Variants in SOX5 observed in about 807,000 individuals in gnomAD.
SOX5 encodes the protein transcription factor SOX-5.
SOX5 carries 9 observed loss-of-function variants against 92.0 expected under a neutral mutation model. That is an observed-to-expected ratio of 0.10 (90% CI 0.06 to 0.17). The LOEUF (loss-of-function observed/expected upper bound fraction) is 0.17. Ranked by LOEUF, SOX5 falls within the 10% of genes least tolerant of loss-of-function variation. The pLI is 1.00. For synonymous variants in SOX5, 344 were observed against 336.3 expected (o/e 1.02, Z -0.25); for missense variants, 642 against 944.5 (o/e 0.68, Z 4.20).
chr12:23,563,448 G>C (rs564288912), intron 10 of SOX5, 45 bp from the exon 11 acceptor site: 1 of 1,574,864 alleles, frequency 6.3e-7, no homozygotes, highest in South Asian at 1.1e-5. Flanking sequence ...ATAAAAGCAT[G>C]TCTAGGCTAG....
chr12:23,802,589 G>A (rs1398100894), intron 3 of SOX5, among the ~76,000 whole-genome samples: 1 of 151,878 alleles, frequency 6.6e-6, no homozygotes, highest in African/African-American at 2.4e-5. Context: ...GCTTGTCTGT[G>A]TGATTATCCT....
chr12:24,062,872 C>A (rs1940001084), intron 4 of SOX5, among the ~76,000 whole-genome samples: 1 of 152,178 alleles, frequency 6.6e-6, no homozygotes, highest in African/African-American at 2.4e-5. Context: ...GTGGTTAACA[C>A]TGCTACTATT....
intron 1 of SOX5, among the ~76,000 whole-genome samples, chr12:23,941,533 G>A (rs1236351117): frequency 6.6e-6 from 1 of 151,426 alleles, no homozygotes; most frequent in Non-Finnish European, 1.5e-5. Context: ...ATTTAGGACT[G>A]GAGGAAAACA....
chr12:24,536,399 C>T (rs1441791437), intron 1 of SOX5, among the ~76,000 whole-genome samples: 7 of 152,164 alleles, frequency 4.6e-5, no homozygotes, highest in Non-Finnish European at 1.0e-4. Flanking sequence ...TAAGACCCTT[C>T]CCTTCAAAAG....
intron 6 of SOX5, among the ~76,000 whole-genome samples, chr12:23,687,398 T>C (rs908482331): frequency 1.3e-5 from 2 of 152,016 alleles, no homozygotes; most frequent in Non-Finnish European, 2.9e-5. Flanking sequence ...CGCACGATAT[T>C]ATACTAAATA....
intron 10 of SOX5, among the ~76,000 whole-genome samples, chr12:23,575,410 T>C (rs1948959276): frequency 6.6e-6 from 1 of 152,258 alleles, no homozygotes; most frequent in African/African-American, 2.4e-5. Context: ...GTCCTCTTTT[T>C]ATATTGTATG....
intron 1 of SOX5, among the ~76,000 whole-genome samples, chr12:23,898,219 A>G (rs1020448572): frequency 1.3e-5 from 2 of 152,166 alleles, no homozygotes; most frequent in African/African-American, 4.8e-5. Flanking sequence ...GAAACTTTTA[A>G]TTATTTCTTA....
intron 3 of SOX5, among the ~76,000 whole-genome samples, chr12:24,232,857 C>G (rs1276078275): frequency 6.6e-6 from 1 of 152,110 alleles, no homozygotes; most frequent in East Asian, 1.9e-4. Flanking sequence ...ATTTCCGACA[C>G]TTAAAAAAAA....
intron 3 of SOX5, among the ~76,000 whole-genome samples, chr12:23,805,428 G>C (rs1205621504): frequency 6.6e-6 from 1 of 151,710 alleles, no homozygotes; most frequent in Non-Finnish European, 1.5e-5. Context: ...AAAGCGCAAT[G>C]CCTGAAAAAA....
At chr12:23,946,590 A>T (rs1379868958) in intron 1 of SOX5, among the ~76,000 whole-genome samples, 2 of 152,050 alleles carry the variant, frequency 1.3e-5, no homozygotes, top group Non-Finnish European at 2.9e-5. Flanking sequence ...ACAATTTTTC[A>T]TTATCTACTT....
chr12:23,952,369 A>G (rs1400432919), upstream of SOX5, among the ~76,000 whole-genome samples: 1 of 152,202 alleles, frequency 6.6e-6, no homozygotes, highest in African/African-American at 2.4e-5. Flanking sequence ...TGAAACTCTA[A>G]TCTAGAAGGT....
At chr12:23,936,855 T>C (rs1942679270) in intron 1 of SOX5, among the ~76,000 whole-genome samples, 1 of 151,044 alleles carries the variant, frequency 6.6e-6, no homozygotes, top group African/African-American at 2.4e-5. Context: ...ACATTCTTTC[T>C]TTGAACCTAT....
At chr12:23,846,650 T>C (rs910463912) in intron 2 of SOX5, among the ~76,000 whole-genome samples, 1 of 143,512 alleles carries the variant, frequency 7.0e-6, no homozygotes, top group Non-Finnish European at 1.5e-5. Flanking sequence ...TAAACAAATA[T>C]CATTACACAC....
At chr12:23,784,626 G>A (rs1027267046) in intron 3 of SOX5, among the ~76,000 whole-genome samples, 1 of 152,076 alleles carries the variant, frequency 6.6e-6, no homozygotes, top group Non-Finnish European at 1.5e-5. Flanking sequence ...ATGCCTGGCC[G>A]ATATATTTTA....
At chr12:24,032,871 C>T (rs1378761685) in intron 4 of SOX5, among the ~76,000 whole-genome samples, 1 of 151,858 alleles carries the variant, frequency 6.6e-6, no homozygotes, top group Non-Finnish European at 1.5e-5. Context: ...TCTTCTGCTG[C>T]TTATTAGGAT....
intron 3 of SOX5, 110 bp from the exon 4 acceptor site, chr12:23,755,834 C>T (rs2094350754): frequency 1.6e-6 from 1 of 624,180 alleles, no homozygotes; most frequent in African/African-American, 2.0e-5. Context: ...AGCCCCACTT[C>T]ATAATGGCTT....
chr12:24,308,778 G>C (rs1948874026), intron 2 of SOX5, among the ~76,000 whole-genome samples: 1 of 152,164 alleles, frequency 6.6e-6, no homozygotes. Context: ...TTGATGATCA[G>C]GTCAACAACT....
intron 7 of SOX5, among the ~76,000 whole-genome samples, chr12:23,658,175 T>C (rs989509988): frequency 2.0e-5 from 3 of 152,180 alleles, no homozygotes; most frequent in African/African-American, 4.8e-5. Flanking sequence ...ATTATTTTTA[T>C]GTCAAGTTAT....
chr12:23,970,841 A>ATATATATTTTTTTTTTTTTTTTT lies in SOX5; in HGVS notation c.-1-74818_-1-74817insAAAAAAAAAAAAAAAAATATATA. The stretch of plus-strand genomic sequence containing the variant: ...ACATGGGACTTTATATATATATATA[A>ATATATATTTTTTTTTTTTTTTTT]TTTTTTTTTTTTTTTAAGAAATGGG... On this transcript the variant is annotated intron_variant, in intron 4 of 4. Coordinates refer to the SOX5 transcript ENST00000446891. Among the ~76,000 whole-genome samples, 15 of 21,884 alleles carry ATATATATTTTTTTTTTTTTTTTT rather than the reference A, an allele frequency of 6.9e-4. 2 individuals carry two copies. The highest frequency in any genetic ancestry group is 3.1e-3 in the Admixed American group (4 of 1,292). The allele number at this position is 21,884 out of a possible 152,430, so 14.4% of individuals were successfully genotyped here.
Sources: allele counts gnomAD v4.1 joint callset (sites outside exome capture counted in the v4.1 genomes callset), GRCh38; gene constraint gnomAD v4.1.1; transcripts MANE v1.5; gene names NCBI Gene and HGNC (gene_info 2026-07-23, HGNC 2026-07-21).